ABI3BP: variants seen among roughly 807,000 people sequenced by gnomAD.
The protein encoded by ABI3BP is target of Nesh-SH3.
ABI3BP carries 216 observed loss-of-function variants against 268.6 expected under a neutral mutation model. The ratio of observed to expected loss-of-function variants is 0.80; its 90% CI spans 0.72 to 0.90. ABI3BP has a LOEUF of 0.90. ABI3BP is among the 40% of genes least tolerant of loss of function. The probability of loss-of-function intolerance (pLI) is 0.00; values close to 1 mark genes in which losing one functional copy is unlikely to be tolerated. For missense variants in ABI3BP, 2,090 were observed against 2,182.4 expected (o/e 0.96, Z 0.84); for synonymous variants, 730 against 730.0 (o/e 1.00, Z 0.00).
chr3:100,842,517 C>T (rs547894295), intron 20 of ABI3BP, among the ~76,000 whole-genome samples: 8 of 152,286 alleles, frequency 5.3e-5, no homozygotes, highest in East Asian at 1.9e-4. Context: ...TGTTCAAAAG[C>T]GACCACAACT....
chr3:100,799,143 T>C (rs1358765805), intron 51 of ABI3BP, among the ~76,000 whole-genome samples: 1 of 152,220 alleles, frequency 6.6e-6, no homozygotes, highest in Non-Finnish European at 1.5e-5. Context: ...TTCCTTGACA[T>C]GGCTTCTCCT....
chr3:100,921,729 C>T lies in ABI3BP; in HGVS notation c.259+4573G>A, dbSNP rs1472056477. Among the ~76,000 whole-genome samples, 4 of 152,066 alleles carry T rather than the reference C, an allele frequency of 2.6e-5. No individual in the cohort carries two copies. In the East Asian group the frequency reaches 7.7e-4, roughly 29 times the overall value. ...AATGGCAAAAGGAAGGTTTTATTTA[C>T]TTTTGCATGGAAAAGCAGTAAGTGA... is the stretch of plus-strand genomic sequence containing the variant. On this transcript the variant is annotated intron_variant, in intron 2 of 67. Transcript: ENST00000471714.
chr3:100,819,044 G>A lies in ABI3BP; in HGVS notation c.3032-463C>T, dbSNP rs190701259. On this transcript the variant is annotated intron_variant, in intron 40 of 67. Transcript: ENST00000471714. ...AGGCTGAGATTTCATTTGCAGTAAA[G>A]GCACTCAGCAAATCAGGATAAGGGA... Among the ~76,000 whole-genome samples, 39 of 152,266 alleles carry A rather than the reference G, an allele frequency of 2.6e-4. No homozygotes were observed. The East Asian group carries it at 7.3e-3, about 29-fold the overall frequency.
intron 10 of ABI3BP, 91 bp from the exon 11 acceptor site, chr3:100,864,998 G>A: frequency 1.0e-6 from 1 of 969,910 alleles, no homozygotes; most frequent in Non-Finnish European, 1.6e-6. Context: ...TAGAATTAGT[G>A]GCTGATATTT....
At position 100,790,485 on chromosome 3, in the gene ABI3BP, C is replaced by G. The variant is rs1218751578; in HGVS notation, c.4025-969G>C. Reference sequence around the variant, plus strand: ...TTATATAGCCATAAATCAGCAATGCCTTGCCTACTAAGTTAAAAAAGTATG... The same window carrying G: ...TTATATAGCCATAAATCAGCAATGCGTTGCCTACTAAGTTAAAAAAGTATG... On this transcript the variant is annotated intron_variant, in intron 55 of 67. Transcript: ENST00000471714. 3.9e-5 allele frequency among the ~76,000 whole-genome samples: 6 copies of G among 152,064 alleles called. No homozygotes were observed. The East Asian group carries it at 9.7e-4, about 25-fold the overall frequency.
intron 14 of ABI3BP, among the ~76,000 whole-genome samples, chr3:100,859,977 C>G (rs547753779): frequency 5.4e-4 from 83 of 152,310 alleles, no homozygotes; most frequent in African/African-American, 1.9e-3. Context: ...GAGGCTGAGG[C>G]AGGAGAATCG....
chr3:100,812,939 G>A (rs1187119945), intron 45 of ABI3BP, among the ~76,000 whole-genome samples: 1 of 152,086 alleles, frequency 6.6e-6, no homozygotes, highest in Non-Finnish European at 1.5e-5. Flanking sequence ...GGAGTAGGGT[G>A]GCATGAACAT....
chr3:100,887,958 A>T (rs1192696709), intron 4 of ABI3BP, among the ~76,000 whole-genome samples: 2 of 152,052 alleles, frequency 1.3e-5, no homozygotes, highest in Admixed American at 1.3e-4. Flanking sequence ...CATTAAACCA[A>T]ATTTGGGCTC....
Position 100,816,870 on chromosome 3 carries a change from G to A in ABI3BP, c.3149-102C>T. Reference sequence around the variant, plus strand: ...TATTTCCTTGAGATTTAAGTCATATGTCTTTTAAGATTAAAATATTTTCTA... The same window carrying A: ...TATTTCCTTGAGATTTAAGTCATATATCTTTTAAGATTAAAATATTTTCTA... On this transcript the variant is annotated intron_variant, in intron 42 of 67. Transcript: ENST00000471714. 5.4e-6 allele frequency: 4 copies of A among 735,296 alleles called. No individual in the cohort carries two copies. The South Asian group carries it at 7.3e-5, about 13-fold the overall frequency. 45.5% of individuals were successfully genotyped at this position (735,296 alleles called of 1,614,324 possible).
chr3:100,905,259 T>G lies in ABI3BP; in HGVS notation c.260-2573A>C, dbSNP rs145778185. On this transcript the variant is annotated intron_variant, in intron 2 of 67. Coordinates refer to ENST00000471714, the MANE Select transcript of ABI3BP (RefSeq NM_001375547.2). ...GGGAACATCACACACCGGGGCCTGT[T>G]GTTGGGGTGGGGTATGGGGGAAGGA... Among the ~76,000 whole-genome samples, 646 of 152,090 alleles carry G rather than the reference T, an allele frequency of 4.2e-3. 4 individuals carry two copies. The highest frequency in any genetic ancestry group is 0.014 in the African/African-American group (599 of 41,486).
At chr3:100,875,324 G>C (rs925800217) in intron 8 of ABI3BP, among the ~76,000 whole-genome samples, 184 bp downstream of exon 8, 7 of 152,190 alleles carry the variant, frequency 4.6e-5, no homozygotes, top group African/African-American at 1.7e-4. Context: ...AACACACCAT[G>C]ATAAAGATAG....
At chr3:100,911,940 G>T in intron 2 of ABI3BP, 2 of 1,084,462 alleles carry the variant, frequency 1.8e-6, no homozygotes, top group Non-Finnish European at 2.9e-6. Flanking sequence ...TTTCTTCAGT[G>T]CTTGCTCATT....
At chr3:100,901,719 T>C (rs951496272) in intron 3 of ABI3BP, among the ~76,000 whole-genome samples, 1 of 151,666 alleles carries the variant, frequency 6.6e-6, no homozygotes, top group Non-Finnish European at 1.5e-5. Context: ...TGAGCTGAGA[T>C]TGCACCACTG....
At chr3:100,908,341 T>C (rs1451337586) in intron 2 of ABI3BP, among the ~76,000 whole-genome samples, 1 of 152,132 alleles carries the variant, frequency 6.6e-6, no homozygotes, top group Non-Finnish European at 1.5e-5. Flanking sequence ...AACGGGACTG[T>C]TGATAACTGA....
intron 1 of ABI3BP, among the ~76,000 whole-genome samples, chr3:100,958,609 G>A (rs1398570217): frequency 1.1e-5 from 1 of 90,488 alleles, no homozygotes; most frequent in Admixed American, 1.3e-4. Context: ...TTTGCGACAA[G>A]CAAGAAAGAA....
chr3:100,951,308 C>T (rs1219802148), intron 1 of ABI3BP, among the ~76,000 whole-genome samples: 1 of 151,934 alleles, frequency 6.6e-6, no homozygotes, highest in Admixed American at 6.6e-5. Flanking sequence ...ACAGTGGTAT[C>T]CTAATTCTCA....
intron 1 of ABI3BP, chr3:100,930,932 A>T (rs2063420351): frequency 6.6e-6 from 1 of 152,160 alleles, no homozygotes; most frequent in Non-Finnish European, 1.5e-5. Flanking sequence ...ACATAGATGC[A>T]GAAATCCTCA....
Position 100,839,587 on chromosome 3 carries a change from G to C in ABI3BP, c.1927C>G (p.Pro643Ala). ...ALEPATIQPE[P>A]LVPTTASKPS... ...GAATTACCAGTTGTGGGCACCAAGG[G>C]CTCCGGTTGTATCGTGGCAGGTTCC... Residue 643 changes from proline to alanine, a missense_variant, in exon 24 of 68, where the codon CCC (proline) becomes GCC (alanine). By Grantham distance (27) the Pro-to-Ala change is conservative (BLOSUM62 -1). Coordinates refer to ENST00000471714, the MANE Select transcript of ABI3BP (RefSeq NM_001375547.2). The C allele has an allele frequency of 1.3e-6, 2 of 1,535,840 alleles. No homozygotes were observed. Among genetic ancestry groups the C allele is most frequent in the Non-Finnish European group, 1.7e-6 (2 of 1,146,692 alleles).
chr3:100,864,776 G>A (rs1218822820), intron 11 of ABI3BP, 57 bp downstream of exon 11: 1 of 1,314,658 alleles, frequency 7.6e-7, no homozygotes, highest in Non-Finnish European at 1.1e-6. Context: ...TGAGTCCTGG[G>A]AGTTATTTCG....
Sources: gnomAD v4.1 joint callset for allele counts (sites outside exome capture counted in the v4.1 genomes callset) on GRCh38, gnomAD v4.1.1 for gene constraint, MANE v1.5 for transcripts, NCBI Gene and HGNC (gene_info 2026-07-23, HGNC 2026-07-21) for gene names.